FAM227A: variants seen among roughly 807,000 people sequenced by gnomAD.
The protein encoded by FAM227A is family with sequence similarity 227 member A.
Under a neutral mutation model 74.7 loss-of-function variants are expected in FAM227A, and 80 were observed. That is an observed-to-expected ratio of 1.07 (90% CI 0.89 to 1.29). The LOEUF is 1.29. Ranked by LOEUF, FAM227A falls within the 50% of genes most tolerant of loss-of-function variation. FAM227A has a pLI of 0.00. For missense variants in FAM227A, 654 were observed against 683.4 expected, an observed-to-expected ratio of 0.96 and a Z score of 0.48; for synonymous variants, 237 against 241.8, an observed-to-expected ratio of 0.98 and a Z score of 0.19.
At chr22:38,645,799 T>C (rs911961707) in intron 2 of FAM227A, among the ~76,000 whole-genome samples, 154 bp from the exon 3 acceptor site, 2 of 152,178 alleles carry the variant, frequency 1.3e-5, no homozygotes, top group Non-Finnish European at 2.9e-5. Flanking sequence ...TTCTTCCTTT[T>C]TTCTGAGACA....
At chr22:38,597,422 A>T in intron 14 of FAM227A, 66 bp from the exon 15 acceptor site, 1 of 1,480,216 alleles carries the variant, frequency 6.8e-7, no homozygotes, top group Non-Finnish European at 9.2e-7. Flanking sequence ...TATTAGTGGC[A>T]TGAGCGCAGT....
chr22:38,629,109 CATT>C (rs2091867200), intron 6 of FAM227A, 174 bp from the exon 7 acceptor site: 2 of 518,830 alleles, frequency 3.9e-6, no homozygotes, highest in Non-Finnish European at 6.7e-6. Context: ...AGGAATACAT[CATT>C]ATCTCATAGA....
intron 15 of FAM227A, 133 bp downstream of exon 15, chr22:38,597,071 C>T (rs940081879): frequency 1.3e-6 from 1 of 795,532 alleles, no homozygotes; most frequent in African/African-American, 1.7e-5. Context: ...AATCTGACCA[C>T]AAGAAAGCTG....
intron 11 of FAM227A, among the ~76,000 whole-genome samples, chr22:38,611,900 T>C (rs774003899): frequency 6.6e-6 from 1 of 152,206 alleles, no homozygotes; most frequent in African/African-American, 2.4e-5. Flanking sequence ...GAACTCTTGA[T>C]AGCTTTCCAC....
At chr22:38,646,463 C>G (rs984378626) in intron 2 of FAM227A, among the ~76,000 whole-genome samples, 1 of 150,376 alleles carries the variant, frequency 6.6e-6, no homozygotes, top group Non-Finnish European at 1.5e-5. Context: ...GGGGTTTCAC[C>G]GTTTTAGCTG....
intron 15 of FAM227A, among the ~76,000 whole-genome samples, chr22:38,596,639 T>C (rs952769549): frequency 6.6e-6 from 1 of 152,056 alleles, no homozygotes; most frequent in Admixed American, 6.6e-5. Context: ...ATGTGAATAC[T>C]TGGCAAATGC....
chr22:38,635,164 T>G (rs1441916879), intron 6 of FAM227A, among the ~76,000 whole-genome samples: 1 of 147,290 alleles, frequency 6.8e-6, no homozygotes, highest in Non-Finnish European at 1.5e-5. Flanking sequence ...GAGCGGAGCT[T>G]GCAGTGAGCT....
chr22:38,623,997 G>T (rs975634856), intron 9 of FAM227A, among the ~76,000 whole-genome samples: 2 of 152,172 alleles, frequency 1.3e-5, no homozygotes, highest in African/African-American at 4.8e-5. Flanking sequence ...GGGTAAGAAG[G>T]TGTAGCCTTG....
At chr22:38,602,823 G>A (rs751858013) in intron 13 of FAM227A, among the ~76,000 whole-genome samples, 4 of 152,114 alleles carry the variant, frequency 2.6e-5, no homozygotes, top group Non-Finnish European at 5.9e-5. Flanking sequence ...GTGTTTTTGA[G>A]GGGGAGATCT....
Position 38,611,888 on chromosome 22 carries a change from T to C in FAM227A, c.1039-4412A>G, listed in dbSNP as rs1259311699. On this transcript the variant is annotated intron_variant, in intron 11 of 16. Transcript: ENST00000535113. Reference sequence around the variant, plus strand: ...CATCTTAAAGTTAACAAGTTCAAAGTTGAACTCTTGATAGCTTTCCACTAA... The same window carrying C: ...CATCTTAAAGTTAACAAGTTCAAAGCTGAACTCTTGATAGCTTTCCACTAA... 4.6e-5 allele frequency among the ~76,000 whole-genome samples: 7 copies of C among 152,202 alleles called. No individual in the cohort carries two copies. The East Asian group carries it at 1.2e-3, about 25-fold the overall frequency.
intron 6 of FAM227A, among the ~76,000 whole-genome samples, chr22:38,633,783 A>T (rs969938174): frequency 1.2e-4 from 19 of 152,104 alleles, no homozygotes; most frequent in Admixed American, 2.0e-4. Context: ...CTCGTGATCC[A>T]ACCACCTTTG....
At chr22:38,595,746 T>C (rs531106100) in intron 15 of FAM227A, among the ~76,000 whole-genome samples, 1 of 152,354 alleles carries the variant, frequency 6.6e-6, no homozygotes, top group East Asian at 1.9e-4. Flanking sequence ...ATATGCCTCC[T>C]AATGGGATGC....
chr22:38,613,713 G>C (rs2146314380), intron 11 of FAM227A, among the ~76,000 whole-genome samples: 1 of 151,906 alleles, frequency 6.6e-6, no homozygotes, highest in Admixed American at 6.6e-5. Context: ...ATATGATTAA[G>C]AGCTAATGTT....
chr22:38,593,839 C>T (rs1472523272), intron 15 of FAM227A, among the ~76,000 whole-genome samples: 5 of 151,896 alleles, frequency 3.3e-5, no homozygotes, highest in East Asian at 1.9e-4. Flanking sequence ...TACAGGTGTG[C>T]GCCACTACCA....
chr22:38,638,676 C>T, intron 5 of FAM227A, 70 bp downstream of exon 5: 2 of 1,151,046 alleles, frequency 1.7e-6, no homozygotes, highest in Non-Finnish European at 2.5e-6. Context: ...TTCTCCTCCC[C>T]AGGAATAAAA....
intron 10 of FAM227A, among the ~76,000 whole-genome samples, chr22:38,621,760 CT>C (rs1434822873): frequency 6.6e-6 from 1 of 152,172 alleles, no homozygotes; most frequent in Non-Finnish European, 1.5e-5. Flanking sequence ...ACTGGAAGTC[CT>C]GATCAACTGC....
intron 1 of FAM227A, among the ~76,000 whole-genome samples, chr22:38,651,927 G>A (rs1167110372): frequency 3.3e-5 from 5 of 151,742 alleles, no homozygotes; most frequent in Non-Finnish European, 5.9e-5. Flanking sequence ...GGTGGGTCAC[G>A]CCTGTAATCC....
chr22:38,648,834 G>A lies in FAM227A; in HGVS notation c.142+1193C>T, dbSNP rs535992175. 9.2e-5 allele frequency among the ~76,000 whole-genome samples: 14 copies of A among 151,764 alleles called. No homozygotes were observed. The South Asian group carries it at 2.7e-3, about 29-fold the overall frequency. ...CTAAAAATACAAAAATTAGCCAGAC[G>A]TGGTGGTGGGTGCCTGTAATCTCGG... is the stretch of plus-strand genomic sequence containing the variant. On this transcript the variant is annotated intron_variant, in intron 2 of 16. Coordinates refer to ENST00000535113, the MANE Select transcript of FAM227A (RefSeq NM_001013647.2).
At position 38,626,218 on chromosome 22, in the gene FAM227A, T is replaced by C. The variant is rs2091796517; in HGVS notation, c.812A>G (p.Lys271Arg). The C allele has an allele frequency of 2.6e-6, 4 of 1,551,660 alleles. No homozygotes were observed. Among genetic ancestry groups the C allele is most frequent in the South Asian group, 1.2e-5 (1 of 84,064 alleles). ...PQSWFDTHEF[K>R]SDICNTMSLW... The stretch of plus-strand genomic sequence containing the variant: ...GCTCATTGTGTTACAGATGTCAGAC[T>C]TGAATTCGTGCGTGTCGAACCAGGA... The change falls in exon 9 of 17, where the codon AAG becomes AGG. Residue 271 changes from lysine to arginine, a missense_variant. Coordinates refer to ENST00000535113, the MANE Select transcript of FAM227A (RefSeq NM_001013647.2).
Sources: allele counts gnomAD v4.1 joint callset (sites outside exome capture counted in the v4.1 genomes callset), GRCh38; gene constraint gnomAD v4.1.1; transcripts MANE v1.5; gene names NCBI Gene and HGNC (gene_info 2026-07-23, HGNC 2026-07-21).